The following CPEB3 variants were observed in gnomAD, a reference collection of about 807,000 sequenced individuals.
The protein encoded by CPEB3 is cytoplasmic polyadenylation element binding protein 3.
CPEB3 carries 20 observed loss-of-function variants against 67.2 expected under a neutral mutation model. The observed-to-expected ratio is 0.30, with a 90% CI of 0.21 to 0.43. The LOEUF is 0.43. Ranked by LOEUF, CPEB3 falls within the 20% of genes least tolerant of loss-of-function variation. The pLI is 1.00. For missense variants in CPEB3, 746 were observed against 968.6 expected (o/e 0.77, Z 3.05); for synonymous variants, 376 against 393.1 (o/e 0.96, Z 0.51).
chr10:92,095,935 G>A (rs529614911), intron 7 of CPEB3, among the ~76,000 whole-genome samples: 1 of 151,896 alleles, frequency 6.6e-6, no homozygotes, highest in Non-Finnish European at 1.5e-5. Context: ...GAGTGCAGTG[G>A]CACAATCTCA....
chr10:92,077,851 A>G (rs1842996000), intron 9 of CPEB3, among the ~76,000 whole-genome samples: 1 of 151,864 alleles, frequency 6.6e-6, no homozygotes, highest in Non-Finnish European at 1.5e-5. Context: ...AAAGATCTCC[A>G]TATTGGTCAG....
At position 92,279,923 on chromosome 10, in the gene CPEB3, G is replaced by C. The variant is rs189282613; in HGVS notation, c.-12+11003C>G. Among the ~76,000 whole-genome samples the C allele has an allele frequency of 1.2e-4, 18 of 152,148 alleles. No homozygotes were observed. The Middle Eastern group carries it at 0.014, about 115-fold the overall frequency. ...TAACTGGGGAGGTTGAGGCATGAAA[G>C]TCACTTGAACCTGGGAGACAGAGAC... is the stretch of plus-strand genomic sequence containing the variant. On this transcript the variant is annotated intron_variant, in intron 1 of 9. Coordinates refer to ENST00000265997, the MANE Select transcript of CPEB3 (RefSeq NM_014912.5).
At chr10:92,078,350 T>C (rs1843012541) in intron 9 of CPEB3, among the ~76,000 whole-genome samples, 1 of 152,206 alleles carries the variant, frequency 6.6e-6, no homozygotes, top group Admixed American at 6.5e-5. Flanking sequence ...TAAGTACATT[T>C]GTAGCAAGAT....
intron 8 of CPEB3, among the ~76,000 whole-genome samples, chr10:92,085,716 C>T (rs1353646814): frequency 6.6e-6 from 1 of 152,186 alleles, no homozygotes; most frequent in Non-Finnish European, 1.5e-5. Flanking sequence ...TCAAGCGATT[C>T]TCCTGCCTCC....
At chr10:92,224,892 TA>T (rs1316159989) in intron 2 of CPEB3, among the ~76,000 whole-genome samples, 1 of 147,622 alleles carries the variant, frequency 6.8e-6, no homozygotes, top group Non-Finnish European at 1.5e-5. Context: ...TATATAAATT[TA>T]AAAATATATA....
intron 2 of CPEB3, among the ~76,000 whole-genome samples, chr10:92,217,092 G>A (rs1391551677): frequency 7.2e-6 from 1 of 139,742 alleles, no homozygotes; most frequent in African/African-American, 2.7e-5. Context: ...CCTGTAGTCC[G>A]AGCTATTCGG....
intron 9 of CPEB3, among the ~76,000 whole-genome samples, chr10:92,074,352 T>C (rs1301653338): frequency 6.6e-6 from 1 of 152,250 alleles, no homozygotes; most frequent in Non-Finnish European, 1.5e-5. Context: ...TTGTGTATAC[T>C]GTAGTTACAC....
intron 2 of CPEB3, among the ~76,000 whole-genome samples, chr10:92,226,092 A>G (rs1181412724): frequency 6.6e-6 from 1 of 152,238 alleles, no homozygotes; most frequent in Admixed American, 6.5e-5. Flanking sequence ...GCGAGGCTCC[A>G]TCTCAAAAAA....
At chr10:92,103,967 G>A (rs56715066) in intron 7 of CPEB3, among the ~76,000 whole-genome samples, 2 of 152,164 alleles carry the variant, frequency 1.3e-5, no homozygotes, top group Non-Finnish European at 2.9e-5. Context: ...TTTTTCCTGG[G>A]AAGATGCCTA....
At chr10:92,229,428 A>T (rs1851155758) in intron 2 of CPEB3, among the ~76,000 whole-genome samples, 1 of 152,226 alleles carries the variant, frequency 6.6e-6, no homozygotes, top group African/African-American at 2.4e-5. Context: ...CAAGTCAGAA[A>T]CAAACCAAAT....
At chr10:92,250,232 C>T (rs971016523) in intron 1 of CPEB3, among the ~76,000 whole-genome samples, 4 of 151,084 alleles carry the variant, frequency 2.6e-5, no homozygotes, top group African/African-American at 7.3e-5. Context: ...GGACTACAGG[C>T]GCACTCCACC....
rs1423200045 is a variant in CPEB3 at position 92,081,489 on chromosome 10, A to G, written c.1700T>C (p.Met567Thr). 1 of 1,612,270 alleles carries G rather than the reference A, an allele frequency of 6.2e-7. No individual in the cohort carries two copies. Among genetic ancestry groups the G allele is most frequent in the Non-Finnish European group, 8.5e-7 (1 of 1,179,266 alleles). ...ACCACCGTACAAACGGTCCATGATC[A>G]TTGCCAGTTCAACTGCAAAAAAAAA... ...PRPLRAVELA[M>T]IMDRLYGGVC... The change falls in exon 9 of 10, where the codon ATG (methionine) becomes ACG (threonine). Residue 567 changes from methionine to threonine, a missense_variant. By Grantham distance (81) the Met-to-Thr change is moderately conservative (BLOSUM62 -1). This residue lies in a region of CPEB3 where 103 missense variants were observed against 251.1 expected (regional missense o/e 0.41). Coordinates refer to ENST00000265997, the MANE Select transcript of CPEB3 (RefSeq NM_014912.5).
intron 1 of CPEB3, among the ~76,000 whole-genome samples, chr10:92,288,489 T>C (rs1436433706): frequency 6.6e-6 from 1 of 150,640 alleles, no homozygotes; most frequent in Non-Finnish European, 1.5e-5. Context: ...ATAATGCTGC[T>C]ATGAACATTC....
chr10:92,121,259 C>T (rs1227402117), intron 6 of CPEB3, among the ~76,000 whole-genome samples: 1 of 151,398 alleles, frequency 6.6e-6, no homozygotes, highest in Non-Finnish European at 1.5e-5. Flanking sequence ...CCATCCGCCT[C>T]GGCCTCCCAA....
intron 9 of CPEB3, among the ~76,000 whole-genome samples, chr10:92,075,293 T>C (rs1842892372): frequency 6.6e-6 from 1 of 152,206 alleles, no homozygotes; most frequent in African/African-American, 2.4e-5. Flanking sequence ...CTCTATATTA[T>C]GAGCTGAATA....
At chr10:92,215,263 C>T (rs1316623884) in intron 2 of CPEB3, among the ~76,000 whole-genome samples, 2 of 151,800 alleles carry the variant, frequency 1.3e-5, no homozygotes, top group Non-Finnish European at 2.9e-5. Flanking sequence ...ATCGATTCTC[C>T]TGCCTCTGCC....
chr10:92,249,670 T>TA (rs554955049), intron 1 of CPEB3, among the ~76,000 whole-genome samples: 175 of 149,084 alleles, frequency 1.2e-3, no homozygotes, highest in Middle Eastern at 0.011. Flanking sequence ...AATAAAAAAG[T>TA]AAAAAAAAAT....
chr10:92,129,526 A>G (rs544677692), intron 6 of CPEB3, among the ~76,000 whole-genome samples: 6 of 152,232 alleles, frequency 3.9e-5, no homozygotes, highest in African/African-American at 7.2e-5. Context: ...TTCTGTTGGG[A>G]TTATTCTTAT....
chr10:92,279,786 G>C (rs532868797), intron 1 of CPEB3, among the ~76,000 whole-genome samples: 1 of 152,148 alleles, frequency 6.6e-6, no homozygotes, highest in South Asian at 2.1e-4. Context: ...TGGATCGCTC[G>C]ATCTCTTGAA....
Sources: gnomAD v4.1 joint callset for allele counts (sites outside exome capture counted in the v4.1 genomes callset) on GRCh38, gnomAD v4.1.1 for gene constraint, gnomAD v4.1.1 regional missense constraint, MANE v1.5 for transcripts, NCBI Gene and HGNC (gene_info 2026-07-23, HGNC 2026-07-21) for gene names.